The following NMNAT1 variants were observed in gnomAD, a reference collection of about 807,000 sequenced individuals.
The protein encoded by NMNAT1 is nicotinamide/nicotinic acid mononucleotide adenylyltransferase 1.
In NMNAT1, 11 loss-of-function variants were observed where a neutral mutation model predicts 16.7. The ratio of observed to expected loss-of-function variants is 0.66; its 90% CI spans 0.41 to 1.09. The LOEUF is 1.09. Among genes scored for constraint, NMNAT1 ranks in the 50% least tolerant of loss-of-function variants. The pLI is 0.00. For synonymous variants in NMNAT1, 110 were observed against 119.8 expected, an observed-to-expected ratio of 0.92 and a Z score of 0.53; for missense variants, 280 against 332.3, an observed-to-expected ratio of 0.84 and a Z score of 1.22.
At chr1:9,945,644 G>C (rs1450416057) in intron 1 of NMNAT1, among the ~76,000 whole-genome samples, 1 of 152,218 alleles carries the variant, frequency 6.6e-6, no homozygotes, top group Non-Finnish European at 1.5e-5. Context: ...AGGTTGCAGT[G>C]AGCCGAGATC....
chr1:9,989,278 C>T (rs1642082422), downstream of NMNAT1, among the ~76,000 whole-genome samples: 2 of 151,974 alleles, frequency 1.3e-5, no homozygotes, highest in African/African-American at 2.4e-5. Context: ...GCCAACATGG[C>T]GAAACCCCAC....
chr1:9,955,685 A>C (rs1199620146), intron 1 of NMNAT1: 1 of 152,138 alleles, frequency 6.6e-6, no homozygotes, highest in Non-Finnish European at 1.5e-5. Context: ...TTTAGATGTG[A>C]GTTGTTTTTT....
intron 1 of NMNAT1, among the ~76,000 whole-genome samples, chr1:9,944,783 T>G (rs1257695687): frequency 6.6e-6 from 1 of 152,258 alleles, no homozygotes; most frequent in African/African-American, 2.4e-5. Flanking sequence ...TCTGTCTGAT[T>G]ATGGAATCTC....
intron 1 of NMNAT1, among the ~76,000 whole-genome samples, chr1:9,955,611 A>G (rs1339119043): frequency 6.6e-6 from 1 of 152,120 alleles, no homozygotes; most frequent in Non-Finnish European, 1.5e-5. Context: ...ATCTCAAAAA[A>G]CAAAAAGCAA....
At chr1:9,990,461 G>T (rs1029555756), downstream of NMNAT1, among the ~76,000 whole-genome samples, 2 of 152,112 alleles carry the variant, frequency 1.3e-5, no homozygotes, top group East Asian at 1.9e-4. Flanking sequence ...ACTCCTCATC[G>T]CATCTCACTG....
chr1:9,974,390 A>AT (rs70998335), intron 2 of NMNAT1, among the ~76,000 whole-genome samples: 132,744 of 139,622 alleles, frequency 0.95, 63,308 homozygotes, highest in East Asian at 1. Context: ...CATCTGGCTA[A>AT]TTTTTTTTTT....
chr1:9,968,761 ACT>A (rs1209217091), intron 1 of NMNAT1, among the ~76,000 whole-genome samples: 3 of 107,966 alleles, frequency 2.8e-5, no homozygotes, highest in African/African-American at 6.4e-5. Flanking sequence ...ACAGGGCGAG[ACT>A]CTGTCTCAAA....
chr1:9,961,202 A>G (rs904858162), intron 1 of NMNAT1, among the ~76,000 whole-genome samples: 1 of 152,152 alleles, frequency 6.6e-6, no homozygotes, highest in Non-Finnish European at 1.5e-5. Flanking sequence ...CTGGAAACCT[A>G]AGCTTATCCC....
downstream of NMNAT1, among the ~76,000 whole-genome samples, chr1:9,986,724 A>G (rs1642050039): frequency 6.6e-6 from 1 of 152,066 alleles, no homozygotes; most frequent in Non-Finnish European, 1.5e-5. Flanking sequence ...TCTACCAAAA[A>G]TACAAAAATT....
the NMNAT1 span, among the ~76,000 whole-genome samples, chr1:9,996,053 T>C: frequency 6.6e-6 from 1 of 151,128 alleles, no homozygotes; most frequent in Non-Finnish European, 1.5e-5. Flanking sequence ...GGCTCAGGCC[T>C]GTAATCCCAG....
chr1:9,970,329 T>C (rs1641658761), intron 1 of NMNAT1, among the ~76,000 whole-genome samples: 1 of 152,238 alleles, frequency 6.6e-6, no homozygotes, highest in African/African-American at 2.4e-5. Context: ...ATATGATTGA[T>C]GGCTGTTGGT....
intron 3 of NMNAT1, among the ~76,000 whole-genome samples, chr1:9,979,672 G>A (rs1319804858): frequency 6.6e-6 from 1 of 151,390 alleles, no homozygotes; most frequent in Non-Finnish European, 1.5e-5. Context: ...CGTGGTGGTG[G>A]GCGCCTGTAG....
At chr1:9,978,239 C>G (rs920393948) in intron 3 of NMNAT1, among the ~76,000 whole-genome samples, 3 of 152,112 alleles carry the variant, frequency 2.0e-5, no homozygotes, top group African/African-American at 7.2e-5. Context: ...GCCTATAGTC[C>G]CAGCTACTTG....
chr1:9,988,400 T>C (rs1350965252), downstream of NMNAT1, among the ~76,000 whole-genome samples: 1 of 152,020 alleles, frequency 6.6e-6, no homozygotes, highest in African/African-American at 2.4e-5. Context: ...GAAAGCTGCT[T>C]AAGAAGAAAG....
intron 1 of NMNAT1, chr1:9,949,658 G>A (rs1358077652): frequency 6.6e-6 from 1 of 151,800 alleles, no homozygotes; most frequent in African/African-American, 2.4e-5. Flanking sequence ...GTTTCACCAT[G>A]TTGGCAAGGC....
At chr1:9,979,425 A>G (rs1641886861) in intron 3 of NMNAT1, among the ~76,000 whole-genome samples, 1 of 152,058 alleles carries the variant, frequency 6.6e-6, no homozygotes, top group African/African-American at 2.4e-5. Flanking sequence ...TGATTGTGCC[A>G]CTGTGCTCCA....
chr1:9,971,901 T>C (rs1641697093), intron 1 of NMNAT1, 117 bp from the exon 2 acceptor site: 1 of 553,316 alleles, frequency 1.8e-6, no homozygotes, highest in Non-Finnish European at 3.3e-6. Flanking sequence ...GCCCAGAAGT[T>C]TGAGGGTGCA....
chr1:9,955,377 C>A (rs1156338700), intron 1 of NMNAT1, among the ~76,000 whole-genome samples: 1 of 129,442 alleles, frequency 7.7e-6, no homozygotes, highest in East Asian at 2.4e-4. Flanking sequence ...GCACTCCAGC[C>A]TGGGGACAAG....
intron 1 of NMNAT1, among the ~76,000 whole-genome samples, chr1:9,970,700 A>AC (rs2101690202): frequency 1.3e-5 from 2 of 152,206 alleles, no homozygotes; most frequent in East Asian, 3.9e-4. Flanking sequence ...AAAAAAAAAA[A>AC]AAAGAAATTT....
Sources: gnomAD v4.1 joint callset for allele counts (sites outside exome capture counted in the v4.1 genomes callset) on GRCh38, gnomAD v4.1.1 for gene constraint, MANE v1.5 for transcripts, NCBI Gene and HGNC (gene_info 2026-07-23, HGNC 2026-07-21) for gene names.